The following TMEM65 variants were observed in gnomAD, a reference collection of about 807,000 sequenced individuals.
TMEM65 encodes transmembrane protein 65.
TMEM65 carries 22 observed loss-of-function variants against 25.4 expected under a neutral mutation model. The ratio of observed to expected loss-of-function variants is 0.86; its 90% confidence interval spans 0.62 to 1.23. The LOEUF (loss-of-function observed/expected upper bound fraction) is 1.23, where lower values mean the gene tolerates loss of function less well. TMEM65 is among the 50% of genes most tolerant of loss of function. The pLI is 0.00. For synonymous variants in TMEM65, 132 were observed against 126.2 expected (o/e 1.05, Z -0.31); for missense variants, 262 against 308.2 (o/e 0.85, Z 1.12).
chr8:124,332,955 G>A (rs1184694947), intron 1 of TMEM65, among the ~76,000 whole-genome samples: 2 of 151,874 alleles, frequency 1.3e-5, no homozygotes, highest in Admixed American at 6.6e-5. Context: ...ACAGGTGTGT[G>A]CCACCACACC....
At chr8:124,348,989 C>G (rs1218147768) in intron 1 of TMEM65, among the ~76,000 whole-genome samples, 3 of 152,118 alleles carry the variant, frequency 2.0e-5, no homozygotes, top group African/African-American at 7.2e-5. Context: ...TTATCCAGCC[C>G]AAATACCAGA....
chr8:124,327,884 G>C (rs1814386416), intron 2 of TMEM65, among the ~76,000 whole-genome samples: 1 of 151,980 alleles, frequency 6.6e-6, no homozygotes, highest in South Asian at 2.1e-4. Flanking sequence ...AAAGTTATTT[G>C]GGTGCTTTTA....
intron 6 of TMEM65, among the ~76,000 whole-genome samples, chr8:124,318,567 G>C (rs898235970): frequency 2.0e-5 from 3 of 151,574 alleles, no homozygotes; most frequent in Non-Finnish European, 1.5e-5. Context: ...ATAGAGACAG[G>C]GTTTCACCAT....
chr8:124,342,264 A>T (rs1814591212), intron 1 of TMEM65, among the ~76,000 whole-genome samples: 1 of 152,128 alleles, frequency 6.6e-6, no homozygotes, highest in African/African-American at 2.4e-5. Flanking sequence ...AAAGGGTTAC[A>T]TCTTCAAGGA....
At chr8:124,352,528 AAAATAAAAT>A (rs1814724825) in intron 1 of TMEM65, among the ~76,000 whole-genome samples, 2 of 136,962 alleles carry the variant, frequency 1.5e-5, no homozygotes, top group African/African-American at 6.3e-5. Flanking sequence ...AAAATAAAAT[AAAATAAAAT>A]AAAAATACAG....
intron 1 of TMEM65, among the ~76,000 whole-genome samples, chr8:124,365,249 G>A (rs1412096577): frequency 1.3e-5 from 2 of 152,236 alleles, no homozygotes; most frequent in Middle Eastern, 3.4e-3. Context: ...TGACTTACCT[G>A]GAAGCCATAT....
intron 1 of TMEM65, among the ~76,000 whole-genome samples, chr8:124,342,567 A>C (rs1234354940): frequency 6.6e-6 from 1 of 152,202 alleles, no homozygotes; most frequent in Non-Finnish European, 1.5e-5. Flanking sequence ...ATGCACCTGA[A>C]TTAGATAAAT....
intron 6 of TMEM65, among the ~76,000 whole-genome samples, chr8:124,315,813 T>C (rs977358703): frequency 4.6e-5 from 7 of 152,224 alleles, no homozygotes; most frequent in African/African-American, 1.7e-4. Context: ...GTATCATTCA[T>C]GCAGAGTTTT....
chr8:124,351,577 T>C (rs1273028033), intron 1 of TMEM65, among the ~76,000 whole-genome samples: 1 of 152,222 alleles, frequency 6.6e-6, no homozygotes, highest in Non-Finnish European at 1.5e-5. Flanking sequence ...TTTCCATACC[T>C]TGATAAATTG....
intron 6 of TMEM65, among the ~76,000 whole-genome samples, chr8:124,314,842 TA>T (rs758908524): frequency 2.5e-4 from 38 of 151,850 alleles, no homozygotes; most frequent in Middle Eastern, 6.8e-3. Flanking sequence ...TTACTTTTAT[TA>T]TTTTTTTTTT....
intron 1 of TMEM65, among the ~76,000 whole-genome samples, chr8:124,352,970 T>C (rs1467306772): frequency 6.6e-6 from 1 of 151,668 alleles, no homozygotes; most frequent in Non-Finnish European, 1.5e-5. Context: ...ATACAAAAAA[T>C]ACAAAAATTA....
At chr8:124,358,190 C>T (rs753928206) in intron 1 of TMEM65, among the ~76,000 whole-genome samples, 4 of 152,070 alleles carry the variant, frequency 2.6e-5, no homozygotes, top group Admixed American at 1.3e-4. Context: ...AGCTAATCTT[C>T]GCATCAGTAT....
chr8:124,358,221 T>G (rs530609344), intron 1 of TMEM65, among the ~76,000 whole-genome samples: 20 of 152,330 alleles, frequency 1.3e-4, no homozygotes, highest in Admixed American at 3.3e-4. Flanking sequence ...AAAATAGAGA[T>G]AATTCCTTCT....
At chr8:124,355,635 T>G (rs1288353358) in intron 1 of TMEM65, among the ~76,000 whole-genome samples, 1 of 152,192 alleles carries the variant, frequency 6.6e-6, no homozygotes, top group African/African-American at 2.4e-5. Flanking sequence ...CTGTGTGATA[T>G]AACATAGGGG....
chr8:124,331,479 A>T (rs936190542), intron 1 of TMEM65, among the ~76,000 whole-genome samples: 6 of 140,788 alleles, frequency 4.3e-5, no homozygotes, highest in African/African-American at 1.3e-4. Flanking sequence ...GGTATTCCAT[A>T]CATTAAAACA....
intron 5 of TMEM65, among the ~76,000 whole-genome samples, chr8:124,321,613 C>T (rs916572817): frequency 6.6e-6 from 1 of 152,128 alleles, no homozygotes; most frequent in Non-Finnish European, 1.5e-5. Context: ...AAGTTCCCCC[C>T]TCTAGAAAAC....
intron 1 of TMEM65, among the ~76,000 whole-genome samples, chr8:124,356,936 G>A (rs905007416): frequency 7.9e-5 from 12 of 152,040 alleles, no homozygotes; most frequent in Admixed American, 2.0e-4. Context: ...TCAAACTCCT[G>A]AACTCAAACA....
chr8:124,347,438 A>C (rs1270272631), intron 1 of TMEM65, among the ~76,000 whole-genome samples: 2 of 152,160 alleles, frequency 1.3e-5, no homozygotes, highest in African/African-American at 2.4e-5. Context: ...CTTAGAATGG[A>C]AGAGGCAAGA....
rs7815007 is a variant in TMEM65, at chr8:124,328,389, C to G, written c.350-968G>C. On this transcript the variant is annotated intron_variant, in intron 2 of 6. Transcript: ENST00000297632. ...ACTGAACTCTAGCCTGGCAACAGAG[C>G]AAGACTCCATCTTAAAAAAAAAAAA... is the stretch of plus-strand genomic sequence containing the variant. 8.7e-3 allele frequency among the ~76,000 whole-genome samples: 1,295 copies of G among 149,258 alleles called. 18 individuals are homozygous for G. Among genetic ancestry groups the G allele is most frequent in the African/African-American group, 0.029 (1,172 of 40,604 alleles).
Sources: allele counts gnomAD v4.1 joint callset (sites outside exome capture counted in the v4.1 genomes callset), GRCh38; gene constraint gnomAD v4.1.1; transcripts MANE v1.5; gene names NCBI Gene and HGNC (gene_info 2026-07-23, HGNC 2026-07-21).